FBN2: variants seen among roughly 807,000 people sequenced by gnomAD.
FBN2 encodes fibrillin-2.
A neutral mutation model predicts 355.6 loss-of-function variants in FBN2; 105 were observed. The observed-to-expected ratio is 0.30, with a 90% CI of 0.25 to 0.35. The LOEUF is 0.35. Among genes scored for constraint, FBN2 ranks in the 10% least tolerant of loss-of-function variants. The pLI, the probability that FBN2 is intolerant of heterozygous loss-of-function variation, is 1.00. For missense variants in FBN2, 3,280 were observed against 3,758.7 expected (o/e 0.87, Z 3.33); for synonymous variants, 1,350 against 1,301.2 (o/e 1.04, Z -0.81).
chr5:128,447,728 A>G (rs1002487894), intron 6 of FBN2, among the ~76,000 whole-genome samples: 1 of 152,178 alleles, frequency 6.6e-6, no homozygotes, highest in Non-Finnish European at 1.5e-5. Flanking sequence ...AAAATCACTA[A>G]TAAAAACTTG....
chr5:128,501,162 T>C (rs983687116), intron 5 of FBN2, among the ~76,000 whole-genome samples: 3 of 152,192 alleles, frequency 2.0e-5, no homozygotes, highest in Non-Finnish European at 4.4e-5. Context: ...GTAGCTGAAA[T>C]GGGAGCAATC....
At chr5:128,332,795 A>G in intron 32 of FBN2, 117 bp downstream of exon 32, 2 of 1,064,902 alleles carry the variant, frequency 1.9e-6, no homozygotes, top group Admixed American at 1.7e-5. Flanking sequence ...CTTGCAACTA[A>G]GATAACCTTT....
chr5:128,444,535 A>T (rs1754016075), intron 7 of FBN2, among the ~76,000 whole-genome samples: 1 of 152,168 alleles, frequency 6.6e-6, no homozygotes, highest in African/African-American at 2.4e-5. Flanking sequence ...GCTATTCCCC[A>T]CCAATCCCAA....
chr5:128,481,023 C>A (rs1755169930), intron 5 of FBN2, among the ~76,000 whole-genome samples: 1 of 152,164 alleles, frequency 6.6e-6, no homozygotes, highest in Non-Finnish European at 1.5e-5. Context: ...AATATACTTC[C>A]TCACGGAGTT....
chr5:128,278,111 C>A (rs1450969422), intron 57 of FBN2, 106 bp from the exon 58 acceptor site: 12 of 1,130,508 alleles, frequency 1.1e-5, no homozygotes, highest in African/African-American at 1.5e-5. Context: ...TAACTAACTG[C>A]AAACATTCCT....
At chr5:128,441,568 T>G (rs143577899) in intron 7 of FBN2, among the ~76,000 whole-genome samples, 1 of 152,332 alleles carries the variant, frequency 6.6e-6, no homozygotes, top group Admixed American at 6.5e-5. Context: ...AGATAACCCA[T>G]GTAAAGTAGT....
chr5:128,528,307 G>A (rs1756618431), intron 3 of FBN2, among the ~76,000 whole-genome samples: 1 of 152,162 alleles, frequency 6.6e-6, no homozygotes, highest in Non-Finnish European at 1.5e-5. Flanking sequence ...CCAGCTCAGT[G>A]CAGTACTGTC....
At chr5:128,335,074 C>A in intron 30 of FBN2, 96 bp downstream of exon 30, 1 of 1,528,734 alleles carries the variant, frequency 6.5e-7, no homozygotes, top group Non-Finnish European at 9.0e-7. Flanking sequence ...TTTAAAATAA[C>A]AACAGAAAAA....
chr5:128,352,903 T>C (rs1052364061), intron 20 of FBN2, among the ~76,000 whole-genome samples: 2 of 152,222 alleles, frequency 1.3e-5, no homozygotes, highest in African/African-American at 4.8e-5. Flanking sequence ...CCAGACACAG[T>C]GGCTCATGAC....
intron 48 of FBN2, among the ~76,000 whole-genome samples, chr5:128,295,572 C>G (rs1749481955): frequency 7.3e-6 from 1 of 137,462 alleles, no homozygotes; most frequent in African/African-American, 2.9e-5. Context: ...AGTTGGATTC[C>G]TAGGTATTTT....
chr5:128,387,823 T>C (rs566603439), intron 11 of FBN2, among the ~76,000 whole-genome samples: 1 of 152,294 alleles, frequency 6.6e-6, no homozygotes, highest in East Asian at 1.9e-4. Context: ...ATTTTGTTGT[T>C]GTTGGGTGGA....
chr5:128,451,183 G>C (rs1036112619), intron 6 of FBN2, among the ~76,000 whole-genome samples: 1 of 152,076 alleles, frequency 6.6e-6, no homozygotes, highest in Non-Finnish European at 1.5e-5. Flanking sequence ...GTGAATTCAA[G>C]CCTACAGATT....
chr5:128,433,696 G>T (rs866742413), intron 7 of FBN2, among the ~76,000 whole-genome samples: 2 of 152,172 alleles, frequency 1.3e-5, no homozygotes, highest in South Asian at 4.1e-4. Context: ...ACAGCTGTTG[G>T]TTAATAATGC....
intron 5 of FBN2, among the ~76,000 whole-genome samples, chr5:128,511,947 C>A (rs549640038): frequency 6.6e-6 from 1 of 152,094 alleles, no homozygotes; most frequent in African/African-American, 2.4e-5. Context: ...AAAGGGCAAA[C>A]TAAGACATTT....
chr5:128,314,509 G>T (rs1041487158), intron 36 of FBN2, among the ~76,000 whole-genome samples: 1 of 151,822 alleles, frequency 6.6e-6, no homozygotes, highest in Non-Finnish European at 1.5e-5. Context: ...GTAGAGACGG[G>T]GTTTCACCAT....
rs576563802 is a variant in FBN2 at position 128,293,075 on chromosome 5, G to A, written c.6167-1421C>T. Among the ~76,000 whole-genome samples the A allele has an allele frequency of 7.9e-5, 12 of 152,258 alleles. No individual in the cohort carries two copies. The East Asian group carries it at 1.3e-3, about 17-fold the overall frequency. ...CCAAATGTTCACTGTCATACCCACTGAATGTAGGAATGAATTTATATCTGT... is the reference window on the plus strand; with the variant it reads ...CCAAATGTTCACTGTCATACCCACTAAATGTAGGAATGAATTTATATCTGT... On this transcript the variant is annotated intron_variant, in intron 48 of 64. Coordinates refer to ENST00000262464, the MANE Select transcript of FBN2 (RefSeq NM_001999.4).
intron 16 of FBN2, among the ~76,000 whole-genome samples, chr5:128,368,755 G>A (rs559762639): frequency 2.4e-4 from 37 of 151,798 alleles, no homozygotes; most frequent in African/African-American, 8.5e-4. Flanking sequence ...CTGCAGCCTC[G>A]AACCCTTGGG....
intron 7 of FBN2, chr5:128,442,279 A>G: frequency 2.2e-6 from 1 of 455,500 alleles, no homozygotes; most frequent in South Asian, 1.6e-5. Flanking sequence ...GCCAGGAAAG[A>G]ATAACTAGCT....
At chr5:128,399,712 T>A (rs748097830) in intron 8 of FBN2, among the ~76,000 whole-genome samples, 1 of 152,094 alleles carries the variant, frequency 6.6e-6, no homozygotes, top group African/African-American at 2.4e-5. Flanking sequence ...ACCACTTAAA[T>A]ATTCTTTTAT....
Sources: gnomAD v4.1 joint callset for allele counts (sites outside exome capture counted in the v4.1 genomes callset) on GRCh38, gnomAD v4.1.1 for gene constraint, MANE v1.5 for transcripts, NCBI Gene and HGNC (gene_info 2026-07-23, HGNC 2026-07-21) for gene names.